PLA2G4E: variants seen among roughly 807,000 people sequenced by gnomAD.
The protein encoded by PLA2G4E is cytosolic phospholipase A2 epsilon.
In PLA2G4E, 84 loss-of-function variants were observed where a neutral mutation model predicts 109.1. The ratio of observed to expected loss-of-function variants is 0.77; its 90% confidence interval spans 0.65 to 0.92. The LOEUF (loss-of-function observed/expected upper bound fraction) is 0.92. Ranked by LOEUF, PLA2G4E falls within the 40% of genes least tolerant of loss-of-function variation. The pLI, the probability that PLA2G4E is intolerant of heterozygous loss-of-function variation, is 0.00. For synonymous variants in PLA2G4E, 469 were observed against 436.1 expected (o/e 1.08, Z -0.94); for missense variants, 1,057 against 1,076.6 (o/e 0.98, Z 0.25).
intron 4 of PLA2G4E, among the ~76,000 whole-genome samples, chr15:42,005,570 C>G (rs1254403276): frequency 3.9e-5 from 6 of 152,242 alleles, no homozygotes; most frequent in African/African-American, 4.8e-5. Context: ...CTCTGACTGT[C>G]TCTGATCTGC....
rs770379595 is a variant in PLA2G4E at position 42,000,284 on chromosome 15, T to C, written c.674-2A>G. The C allele has an allele frequency of 9.6e-6, 15 of 1,563,140 alleles. No homozygotes were observed. In the Admixed American group the frequency reaches 2.9e-4, roughly 30 times the overall value. ...TCACCATCACCAGGAGGTCCTTCAC[T>C]GGGAGAGAGGACAAGAGGGTGAGAC... is the stretch of plus-strand genomic sequence containing the variant. On this transcript the variant is annotated splice_acceptor_variant, in intron 7 of 19. Coordinates refer to ENST00000399518, the Ensembl canonical transcript of PLA2G4E. LOFTEE classifies it high-confidence loss of function.
At chr15:42,024,808 C>T (rs1172643924) in intron 1 of PLA2G4E, among the ~76,000 whole-genome samples, 1 of 152,216 alleles carries the variant, frequency 6.6e-6, no homozygotes, top group African/African-American at 2.4e-5. Flanking sequence ...GATTCCAATA[C>T]CTTCCATAAA....
At chr15:42,050,466 A>G (rs942193849) in intron 1 of PLA2G4E, 17 of 1,503,740 alleles carry the variant, frequency 1.1e-5, no homozygotes, top group Non-Finnish European at 1.5e-5. Flanking sequence ...CCGAGTCAGG[A>G]AAGTGAGGTT....
intron 10 of PLA2G4E, chr15:41,997,940 C>A: frequency 6.6e-6 from 1 of 152,166 alleles, no homozygotes. Context: ...CAAGTCCAGG[C>A]TCCTGGCCTG....
chr15:42,049,310 T>C (rs79248781), intron 1 of PLA2G4E, among the ~76,000 whole-genome samples: 2,222 of 152,256 alleles, frequency 0.015, 54 homozygotes, highest in African/African-American at 0.051. Context: ...GAACTCACTT[T>C]TATAACAATC....
intron 1 of PLA2G4E, among the ~76,000 whole-genome samples, chr15:42,048,272 G>A (rs993027224): frequency 2.6e-5 from 4 of 152,260 alleles, no homozygotes; most frequent in Non-Finnish European, 5.9e-5. Context: ...AGGTTTGTGT[G>A]CACACACTCT....
intron 5 of PLA2G4E, among the ~76,000 whole-genome samples, chr15:42,003,715 T>A (rs2068443679): frequency 6.6e-6 from 1 of 152,218 alleles, no homozygotes. Context: ...CGAGCCCTCT[T>A]GTCCTGTCTC....
chr15:42,038,399 A>G (rs1199873787), intron 1 of PLA2G4E, among the ~76,000 whole-genome samples: 2 of 151,972 alleles, frequency 1.3e-5, no homozygotes, highest in Non-Finnish European at 2.9e-5. Flanking sequence ...AATCAGTGGG[A>G]GCCCTGAACT....
chr15:41,985,702 C>A (rs1248120612), intron 18 of PLA2G4E, 137 bp downstream of exon 18: 6 of 1,127,886 alleles, frequency 5.3e-6, no homozygotes, highest in Non-Finnish European at 7.5e-6. Flanking sequence ...ATGACTGCTG[C>A]TTGGCTTCCT....
At chr15:41,992,474 G>A (rs2068266492) in intron 13 of PLA2G4E, among the ~76,000 whole-genome samples, 2 of 152,204 alleles carry the variant, frequency 1.3e-5, no homozygotes, top group South Asian at 4.1e-4. Context: ...GTCTTGGCGT[G>A]GCTCTCAGAG....
intron 1 of PLA2G4E, among the ~76,000 whole-genome samples, chr15:42,047,619 A>C (rs1889437585): frequency 6.6e-6 from 1 of 152,154 alleles, no homozygotes; most frequent in Non-Finnish European, 1.5e-5. Flanking sequence ...GTTCCCCCAA[A>C]TCTGCCACGT....
At chr15:41,999,476 C>T (rs1357741512) in intron 10 of PLA2G4E, 48 bp downstream of exon 10, 12 of 1,384,644 alleles carry the variant, frequency 8.7e-6, no homozygotes, top group African/African-American at 1.4e-5. Flanking sequence ...ACTGCACACC[C>T]ACTGCTATGA....
intron 1 of PLA2G4E, among the ~76,000 whole-genome samples, chr15:42,029,647 G>T (rs919480378): frequency 3.3e-5 from 5 of 151,958 alleles, no homozygotes; most frequent in Non-Finnish European, 7.4e-5. Context: ...AATAGACCTG[G>T]GTTTGTACCT....
intron 12 of PLA2G4E, among the ~76,000 whole-genome samples, chr15:41,994,239 C>T (rs1181444945): frequency 6.6e-6 from 1 of 152,258 alleles, no homozygotes; most frequent in East Asian, 1.9e-4. Flanking sequence ...GAAGCAGTGA[C>T]TCCAGTGCTT....
intron 1 of PLA2G4E, among the ~76,000 whole-genome samples, chr15:42,040,530 C>G (rs1889297436): frequency 6.6e-6 from 1 of 152,200 alleles, no homozygotes; most frequent in African/African-American, 2.4e-5. Context: ...ATAATTCTGA[C>G]TGTACAGTTT....
chr15:41,988,055 C>T, exon 16 of PLA2G4E: 1 of 1,600,164 alleles, frequency 6.2e-7, no homozygotes, highest in Non-Finnish European at 8.5e-7. Context: ...CCACCGATGT[C>T]CTGCACTTTC....
chr15:41,990,233 T>G (rs770406966), exon 14 of PLA2G4E: 1 of 1,613,236 alleles, frequency 6.2e-7, no homozygotes, highest in Non-Finnish European at 8.5e-7. Flanking sequence ...TGCATTCATT[T>G]CTCTGTGGGG....
intron 11 of PLA2G4E, among the ~76,000 whole-genome samples, chr15:41,996,344 T>C (rs138922795): frequency 0.021 from 1,480 of 70,870 alleles, 30 homozygotes; most frequent in African/African-American, 0.1. Context: ...CAAGACCCTG[T>C]CTCAAGAAAA....
At chr15:42,019,219 G>A (rs538007738) in intron 1 of PLA2G4E, among the ~76,000 whole-genome samples, 4 of 152,226 alleles carry the variant, frequency 2.6e-5, no homozygotes, top group South Asian at 4.1e-4. Context: ...TGCTGGACTA[G>A]TCAGTAGCAG....
Sources: allele counts gnomAD v4.1 joint callset (sites outside exome capture counted in the v4.1 genomes callset), GRCh38; gene constraint gnomAD v4.1.1; transcripts MANE v1.5; gene names NCBI Gene and HGNC (gene_info 2026-07-23, HGNC 2026-07-21).